The following KHDRBS3 variants were observed in gnomAD, a reference collection of about 807,000 sequenced individuals.
KHDRBS3 encodes the protein KH domain-containing, RNA-binding, signal transduction-associated protein 3.
A neutral mutation model predicts 45.6 loss-of-function variants in KHDRBS3; 23 were observed. That is an observed-to-expected ratio of 0.50 (90% CI 0.36 to 0.72). The LOEUF (loss-of-function observed/expected upper bound fraction) is 0.72, where lower values mean the gene tolerates loss of function less well. KHDRBS3 is among the 30% of genes least tolerant of loss of function. KHDRBS3 has a pLI of 0.00. For synonymous variants in KHDRBS3, 162 were observed against 156.5 expected (o/e 1.04, Z -0.26); for missense variants, 352 against 424.8 (o/e 0.83, Z 1.51).
At chr8:135,560,911 C>T (rs1827136693) in intron 5 of KHDRBS3, among the ~76,000 whole-genome samples, 2 of 152,158 alleles carry the variant, frequency 1.3e-5, no homozygotes, top group South Asian at 4.1e-4. Flanking sequence ...ATATGCTAGG[C>T]ACCAGCAGGG....
chr8:135,566,001 G>T (rs1357865908), intron 5 of KHDRBS3, among the ~76,000 whole-genome samples: 1 of 152,190 alleles, frequency 6.6e-6, no homozygotes, highest in Non-Finnish European at 1.5e-5. Context: ...TACACCAGAA[G>T]TAGAACCTTG....
At chr8:135,484,906 C>CTAT (rs1356820281) in intron 1 of KHDRBS3, among the ~76,000 whole-genome samples, 4 of 151,978 alleles carry the variant, frequency 2.6e-5, no homozygotes, top group African/African-American at 4.8e-5. Context: ...TAAATGCTAG[C>CTAT]TATTATTATT....
At chr8:135,622,149 T>G (rs895464087) in intron 7 of KHDRBS3, among the ~76,000 whole-genome samples, 2 of 152,200 alleles carry the variant, frequency 1.3e-5, no homozygotes, top group African/African-American at 4.8e-5. Context: ...ATTTGATCAA[T>G]GTCTGTCTTC....
At chr8:135,619,393 C>A (rs1830046100) in intron 7 of KHDRBS3, among the ~76,000 whole-genome samples, 1 of 151,316 alleles carries the variant, frequency 6.6e-6, no homozygotes. Flanking sequence ...GGTATATAGC[C>A]CAATAAGACA....
chr8:135,559,578 C>A (rs1482621526), intron 5 of KHDRBS3, among the ~76,000 whole-genome samples: 1 of 152,058 alleles, frequency 6.6e-6, no homozygotes, highest in Non-Finnish European at 1.5e-5. Context: ...GGCCAGGCTG[C>A]TCTCTAACTC....
chr8:135,519,760 C>A (rs1332371222), intron 1 of KHDRBS3, among the ~76,000 whole-genome samples: 1 of 152,050 alleles, frequency 6.6e-6, no homozygotes, highest in African/African-American at 2.4e-5. Context: ...TGTAATAATT[C>A]TTTGTTGCTC....
At chr8:135,487,050 A>G (rs1209322953) in intron 1 of KHDRBS3, among the ~76,000 whole-genome samples, 1 of 152,028 alleles carries the variant, frequency 6.6e-6, no homozygotes, top group African/African-American at 2.4e-5. Flanking sequence ...TTTCCTTTAT[A>G]TTTCTTTAAT....
At chr8:135,462,986 A>AT (rs1377797630) in intron 1 of KHDRBS3, among the ~76,000 whole-genome samples, 4 of 152,158 alleles carry the variant, frequency 2.6e-5, no homozygotes, top group Non-Finnish European at 5.9e-5. Context: ...TATAGCATCC[A>AT]TTTTCATACT....
chr8:135,526,022 C>T (rs1275642221), intron 2 of KHDRBS3, among the ~76,000 whole-genome samples: 1 of 151,818 alleles, frequency 6.6e-6, no homozygotes, highest in Non-Finnish European at 1.5e-5. Flanking sequence ...AAATATTTAC[C>T]ATTGTGTGAC....
At chr8:135,636,220 CT>C (rs1830806228) in intron 7 of KHDRBS3, among the ~76,000 whole-genome samples, 1 of 152,124 alleles carries the variant, frequency 6.6e-6, no homozygotes, top group African/African-American at 2.4e-5. Flanking sequence ...TGAGATCACC[CT>C]TGTACTTCAG....
At chr8:135,540,780 C>T (rs1265218203) in intron 2 of KHDRBS3, 2 of 152,122 alleles carry the variant, frequency 1.3e-5, no homozygotes, top group Non-Finnish European at 2.9e-5. Context: ...AACTCAGCTG[C>T]CATATTTGCA....
At chr8:135,631,625 T>C (rs1563819417) in intron 7 of KHDRBS3, among the ~76,000 whole-genome samples, 1 of 152,166 alleles carries the variant, frequency 6.6e-6, no homozygotes, top group African/African-American at 2.4e-5. Context: ...TAAGAGTACC[T>C]TCTTCTGGTT....
At chr8:135,507,465 G>C (rs569037521) in intron 1 of KHDRBS3, among the ~76,000 whole-genome samples, 1 of 152,120 alleles carries the variant, frequency 6.6e-6, no homozygotes, top group Admixed American at 6.5e-5. Context: ...TCTAGAATGC[G>C]TAATTTTTTA....
At chr8:135,549,477 T>A (rs1826477100) in intron 4 of KHDRBS3, 1 of 152,230 alleles carries the variant, frequency 6.6e-6, no homozygotes, top group Non-Finnish European at 1.5e-5. Flanking sequence ...AAATTGACTG[T>A]CTGTTTTAAC....
intron 5 of KHDRBS3, among the ~76,000 whole-genome samples, chr8:135,565,604 C>T (rs1401274727): frequency 6.6e-6 from 1 of 152,176 alleles, no homozygotes; most frequent in African/African-American, 2.4e-5. Context: ...GCAGTCTGCC[C>T]TGTGCACTTG....
chr8:135,631,380 A>G (rs183733366), intron 7 of KHDRBS3, among the ~76,000 whole-genome samples: 1 of 152,252 alleles, frequency 6.6e-6, no homozygotes, highest in East Asian at 1.9e-4. Flanking sequence ...AGCTTAAAAC[A>G]CAAACATATT....
chr8:135,573,145 G>T (rs1289412032), intron 5 of KHDRBS3, among the ~76,000 whole-genome samples: 2 of 152,160 alleles, frequency 1.3e-5, no homozygotes, highest in East Asian at 3.9e-4. Flanking sequence ...GGGTCCTGCT[G>T]CATCTGAGTG....
At chr8:135,616,615 A>G (rs1444564653) in intron 7 of KHDRBS3, among the ~76,000 whole-genome samples, 5 of 152,222 alleles carry the variant, frequency 3.3e-5, no homozygotes, top group African/African-American at 1.2e-4. Flanking sequence ...GAAGACTGCA[A>G]CAGTACTTAC....
At position 135,626,542 on chromosome 8, in the gene KHDRBS3, G is replaced by A. The variant is rs1332144553; in HGVS notation, c.891-18517G>A. ...GTGGGGGCCGGGCGCGGTGGCTCAC[G>A]CCTGTAATCCCAGCACTTTGGGAGG... On this transcript the variant is annotated intron_variant, in intron 7 of 8. Transcript: ENST00000355849. 4.6e-5 allele frequency among the ~76,000 whole-genome samples: 7 copies of A among 152,296 alleles called. No homozygotes were observed. In the East Asian group the frequency reaches 1.4e-3, roughly 29 times the overall value.
Sources: gnomAD v4.1 joint callset for allele counts (sites outside exome capture counted in the v4.1 genomes callset) on GRCh38, gnomAD v4.1.1 for gene constraint, MANE v1.5 for transcripts, NCBI Gene and HGNC (gene_info 2026-07-23, HGNC 2026-07-21) for gene names.